DOK5: variants seen among roughly 807,000 people sequenced by gnomAD.
DOK5 encodes downstream of tyrosine kinase 5.
Under a neutral mutation model 43.3 loss-of-function variants are expected in DOK5, and 27 were observed. The ratio of observed to expected loss-of-function variants is 0.62; its 90% CI spans 0.46 to 0.86. The LOEUF (loss-of-function observed/expected upper bound fraction) is 0.86. DOK5 is among the 40% of genes least tolerant of loss of function. The probability of loss-of-function intolerance (pLI) is 0.00; values close to 1 mark genes in which losing one functional copy is unlikely to be tolerated. For synonymous variants in DOK5, 146 were observed against 140.1 expected (o/e 1.04, Z -0.30); for missense variants, 373 against 392.9 (o/e 0.95, Z 0.43).
intron 5 of DOK5, among the ~76,000 whole-genome samples, chr20:54,605,049 A>G (rs1986429049): frequency 8.3e-6 from 1 of 120,572 alleles, no homozygotes; most frequent in Admixed American, 7.9e-5. Flanking sequence ...ACACACACGT[A>G]TACACACACA....
intron 1 of DOK5, among the ~76,000 whole-genome samples, chr20:54,550,853 A>G (rs1984505453): frequency 6.6e-6 from 1 of 152,116 alleles, no homozygotes. Flanking sequence ...ATAAAGCTAT[A>G]AATATTCATA....
intron 6 of DOK5, among the ~76,000 whole-genome samples, chr20:54,634,808 C>T (rs531445596): frequency 6.6e-6 from 1 of 151,722 alleles, no homozygotes; most frequent in Admixed American, 6.6e-5. Context: ...ACATACCACA[C>T]GTACCATACC....
At position 54,552,505 on chromosome 20, in the gene DOK5, CATTT is replaced by C. The variant is rs202241472; in HGVS notation, c.67-2424_67-2421del. On this transcript the variant is annotated intron_variant, in intron 1 of 7. Coordinates refer to ENST00000262593, the MANE Select transcript of DOK5 (RefSeq NM_018431.5). ...CCTATGTTATCTTACAGATGTATAA[CATTT>C]ATTATAGATATATTCTATATGTATC... Among the ~76,000 whole-genome samples, 1,336 of 151,836 alleles carry C rather than the reference CATTT, an allele frequency of 8.8e-3. 23 individuals carry two copies. Among genetic ancestry groups the C allele is most frequent in the African/African-American group, 0.031 (1,288 of 41,432 alleles).
chr20:54,537,632 C>A (rs1016328930), intron 1 of DOK5, among the ~76,000 whole-genome samples: 1 of 151,938 alleles, frequency 6.6e-6, no homozygotes, highest in African/African-American at 2.4e-5. Context: ...GTTGGAATAA[C>A]AGAGAAAAAA....
At chr20:54,490,791 T>C (rs1982140423) in intron 1 of DOK5, among the ~76,000 whole-genome samples, 1 of 152,234 alleles carries the variant, frequency 6.6e-6, no homozygotes, top group African/African-American at 2.4e-5. Flanking sequence ...GGTTTCACCA[T>C]GTTGGCCAAG....
intron 1 of DOK5, among the ~76,000 whole-genome samples, chr20:54,551,856 C>T (rs1257435329): frequency 1.3e-5 from 2 of 152,058 alleles, no homozygotes; most frequent in Admixed American, 6.5e-5. Flanking sequence ...TTTTGGTAGT[C>T]TCTCTCTGCT....
chr20:54,628,366 G>A (rs1442930545), intron 6 of DOK5, among the ~76,000 whole-genome samples: 3 of 120,158 alleles, frequency 2.5e-5, no homozygotes, highest in African/African-American at 3.3e-5. Context: ...CCGAGATCGC[G>A]CCACTGCACT....
chr20:54,594,604 G>C (rs1986078847), intron 5 of DOK5, among the ~76,000 whole-genome samples: 1 of 152,102 alleles, frequency 6.6e-6, no homozygotes, highest in Admixed American at 6.5e-5. Context: ...TGATGTGTAA[G>C]AGAATTCTGC....
intron 6 of DOK5, among the ~76,000 whole-genome samples, chr20:54,642,456 C>T (rs1322786662): frequency 6.8e-6 from 1 of 148,132 alleles, no homozygotes; most frequent in African/African-American, 2.5e-5. Context: ...GTAATCCTAA[C>T]ATTCTGGGAG....
intron 1 of DOK5, among the ~76,000 whole-genome samples, chr20:54,551,646 G>A (rs189445117): frequency 2.0e-5 from 3 of 152,096 alleles, no homozygotes; most frequent in African/African-American, 7.2e-5. Context: ...CCTCAGTACT[G>A]TACACTGAAA....
intron 6 of DOK5, among the ~76,000 whole-genome samples, chr20:54,628,228 A>G (rs1401578309): frequency 1.3e-5 from 2 of 151,906 alleles, no homozygotes; most frequent in South Asian, 2.1e-4. Context: ...TTAAGAATTC[A>G]TTCTTCCTTC....
intron 1 of DOK5, among the ~76,000 whole-genome samples, chr20:54,478,383 G>A (rs376623670): frequency 2.0e-5 from 3 of 152,182 alleles, no homozygotes; most frequent in Non-Finnish European, 4.4e-5. Context: ...AACAGCATGC[G>A]ACATGTATCT....
intron 1 of DOK5, among the ~76,000 whole-genome samples, chr20:54,531,702 GA>G (rs1247782637): frequency 1.3e-5 from 2 of 152,160 alleles, no homozygotes; most frequent in Non-Finnish European, 2.9e-5. Context: ...AAGTTTCCAA[GA>G]AAGCGCAAAG....
At chr20:54,622,384 C>T (rs910069870) in intron 6 of DOK5, among the ~76,000 whole-genome samples, 16 of 152,094 alleles carry the variant, frequency 1.1e-4, no homozygotes, top group Non-Finnish European at 1.5e-5. Context: ...ATCTCATTTT[C>T]TCAGCACTTC....
chr20:54,536,837 T>A (rs1180007718), intron 1 of DOK5, among the ~76,000 whole-genome samples: 1 of 152,216 alleles, frequency 6.6e-6, no homozygotes, highest in African/African-American at 2.4e-5. Flanking sequence ...ACCAAGATGA[T>A]GTCTGTGAAG....
chr20:54,522,267 T>C (rs1398096423), intron 1 of DOK5, among the ~76,000 whole-genome samples: 1 of 152,192 alleles, frequency 6.6e-6, no homozygotes, highest in Non-Finnish European at 1.5e-5. Context: ...TACGAATTTG[T>C]GTTGGGCGGC....
chr20:54,490,610 G>GTTTTTATTTTTT (rs1982128029), intron 1 of DOK5, among the ~76,000 whole-genome samples: 1 of 151,914 alleles, frequency 6.6e-6, no homozygotes, highest in African/African-American at 2.4e-5. Context: ...TTTTTGAGAC[G>GTTTTTATTTTTT]GAGTCTTGCT....
chr20:54,488,491 T>A (rs934391700), intron 1 of DOK5, among the ~76,000 whole-genome samples: 4 of 152,198 alleles, frequency 2.6e-5, no homozygotes, highest in Admixed American at 2.6e-4. Context: ...TTTTTCTTTA[T>A]TTTGTGCCAT....
At chr20:54,496,639 G>A (rs1421112033) in intron 1 of DOK5, among the ~76,000 whole-genome samples, 4 of 151,900 alleles carry the variant, frequency 2.6e-5, no homozygotes, top group South Asian at 4.2e-4. Context: ...GGTGGCAGGC[G>A]CCTGTAGTCC....
Sources: gnomAD v4.1 joint callset for allele counts (sites outside exome capture counted in the v4.1 genomes callset) on GRCh38, gnomAD v4.1.1 for gene constraint, MANE v1.5 for transcripts, NCBI Gene and HGNC (gene_info 2026-07-23, HGNC 2026-07-21) for gene names.